Variants in WDR44 observed in about 807,000 individuals in gnomAD.
The protein encoded by WDR44 is WD repeat domain 44.
A neutral mutation model predicts 65.7 loss-of-function variants in WDR44; 9 were observed. The ratio of observed to expected loss-of-function variants is 0.14; its 90% CI spans 0.08 to 0.24. The LOEUF (loss-of-function observed/expected upper bound fraction) is 0.24. WDR44 is among the 10% of genes least tolerant of loss of function. The pLI, the probability that WDR44 is intolerant of heterozygous loss-of-function variation, is 1.00. For synonymous variants in WDR44, 220 were observed against 235.2 expected (o/e 0.94, Z 0.59); for missense variants, 425 against 670.9 (o/e 0.63, Z 4.05).
chrX:118,354,584 AT>A (rs898939429), intron 1 of WDR44, among the ~76,000 whole-genome samples: 1 of 111,176 alleles, frequency 9.0e-6, no homozygotes, highest in Non-Finnish European at 1.9e-5. Context: ...GAAATATAAG[AT>A]TTTTTGAAAC....
At chrX:118,368,701 A>C (rs1461577581) in intron 1 of WDR44, among the ~76,000 whole-genome samples, 3 of 91,181 alleles carry the variant, frequency 3.3e-5, no homozygotes, top group Admixed American at 2.7e-4. Flanking sequence ...GTAGCAATCC[A>C]CATACTCTTC....
intron 10 of WDR44, among the ~76,000 whole-genome samples, chrX:118,408,788 T>C (rs1258169971): frequency 1.8e-5 from 2 of 112,052 alleles, no homozygotes; most frequent in Non-Finnish European, 3.8e-5. Flanking sequence ...TGCTCAGTTG[T>C]TAGTGCTATG....
At chrX:118,416,656 T>C (rs951264157) in intron 12 of WDR44, among the ~76,000 whole-genome samples, 3 of 111,577 alleles carry the variant, frequency 2.7e-5, no homozygotes, top group African/African-American at 6.5e-5. Context: ...GAATGTGTAT[T>C]CTGCAGTTGT....
At chrX:118,382,894 G>T (rs762021609) in intron 2 of WDR44, among the ~76,000 whole-genome samples, 11 of 111,562 alleles carry the variant, frequency 9.9e-5, no homozygotes, top group Non-Finnish European at 1.9e-4. Flanking sequence ...TTTAATAATG[G>T]GTCAGCACAT....
intron 8 of WDR44, among the ~76,000 whole-genome samples, chrX:118,401,040 G>T (rs1446111789): frequency 1.5e-5 from 1 of 65,641 alleles, no homozygotes. Context: ...TGGTGTATAT[G>T]TGCCACATTT....
chrX:118,389,718 C>CAAAAAA (rs1248530849), intron 3 of WDR44, among the ~76,000 whole-genome samples: 1 of 34,537 alleles, frequency 2.9e-5, no homozygotes, highest in Admixed American at 4.0e-4. Context: ...GACTCCCTCT[C>CAAAAAA]AAAAAAAAAA....
intron 8 of WDR44, among the ~76,000 whole-genome samples, chrX:118,401,764 G>T (rs2056918136): frequency 1.1e-5 from 1 of 95,116 alleles, no homozygotes; most frequent in Non-Finnish European, 2.0e-5. Flanking sequence ...GTCCTGAATG[G>T]TAATGCCTAG....
intron 1 of WDR44, among the ~76,000 whole-genome samples, chrX:118,377,365 AAAAG>A (rs2056670216): frequency 9.0e-6 from 1 of 111,530 alleles, no homozygotes; most frequent in African/African-American, 3.3e-5. Flanking sequence ...CTTTAAAAAA[AAAAG>A]AAAAAGTAAA....
chrX:118,398,319 A>G, intron 7 of WDR44, 68 bp from the exon 8 acceptor site: 1 of 862,312 alleles, frequency 1.2e-6, no homozygotes, highest in Admixed American at 2.6e-5. Flanking sequence ...TTATATAGTA[A>G]GTATAAACAG....
chrX:118,426,897 A>C (rs781535211), intron 12 of WDR44, among the ~76,000 whole-genome samples: 1 of 111,653 alleles, frequency 9.0e-6, no homozygotes, highest in African/African-American at 3.2e-5. Flanking sequence ...TGTTTTCATA[A>C]TAGCTAAAAT....
At chrX:118,419,365 C>A (rs959298211) in intron 12 of WDR44, among the ~76,000 whole-genome samples, 19 of 112,067 alleles carry the variant, frequency 1.7e-4, no homozygotes, top group African/African-American at 6.2e-4. Context: ...CTGCTGCTTC[C>A]TCTACTTCTA....
chrX:118,432,988 G>T (rs891826537), intron 13 of WDR44, 94 bp downstream of exon 13: 2 of 802,759 alleles, frequency 2.5e-6, no homozygotes, highest in African/African-American at 4.1e-5. Flanking sequence ...GGAAACCTCA[G>T]TTTTTTGTCT....
chrX:118,368,967 A>G (rs970960544), intron 1 of WDR44, among the ~76,000 whole-genome samples: 12 of 108,115 alleles, frequency 1.1e-4, no homozygotes, highest in Admixed American at 6.9e-4. Flanking sequence ...ACCTCAGACA[A>G]TCCACCCACC....
chrX:118,387,181 CAAAAAAAAAAAA>C (rs61229618), intron 2 of WDR44, among the ~76,000 whole-genome samples, 147 bp from the exon 3 acceptor site: 4 of 38,323 alleles, frequency 1.0e-4, no homozygotes, highest in Non-Finnish European at 2.1e-4. Flanking sequence ...AACTCTGTCT[CAAAAAAAAAAAA>C]AAAAAAAAAA....
At chrX:118,429,199 TAAG>T (rs2057184999) in intron 12 of WDR44, among the ~76,000 whole-genome samples, 1 of 110,930 alleles carries the variant, frequency 9.0e-6, no homozygotes, top group East Asian at 2.8e-4. Context: ...TCTTGGAACT[TAAG>T]AAGTATTATT....
At chrX:118,367,931 C>A (rs971249280) in intron 1 of WDR44, among the ~76,000 whole-genome samples, 3 of 111,360 alleles carry the variant, frequency 2.7e-5, no homozygotes, top group Non-Finnish European at 5.7e-5. Flanking sequence ...AGGTAATATG[C>A]TCACTTTGAA....
intron 12 of WDR44, among the ~76,000 whole-genome samples, chrX:118,426,979 C>T (rs1283899635): frequency 9.0e-6 from 1 of 111,171 alleles, no homozygotes; most frequent in Non-Finnish European, 1.9e-5. Context: ...TACATGCAGT[C>T]CTTAAATTGT....
intron 1 of WDR44, among the ~76,000 whole-genome samples, chrX:118,365,651 G>A (rs1271645603): frequency 8.9e-6 from 1 of 112,206 alleles, no homozygotes; most frequent in Non-Finnish European, 1.9e-5. Flanking sequence ...AGAACATCAG[G>A]TAGGGTAGAA....
In WDR44 at chrX:118,395,265, C is replaced by T. The variant is rs1193046244; in HGVS notation, c.974C>T (p.Pro325Leu). Residue 325 changes from proline to leucine, a missense_variant, in exon 6 of 20, where the codon CCT (proline) becomes CTT (leucine). Physicochemically the swap from Pro to Leu is moderately conservative, Grantham distance 98. Transcript: ENST00000254029. The stretch of plus-strand genomic sequence containing the variant: ...TATTTCCAGGAAAATGGAAAAGCAC[C>T]TGATGGGCAGACTGTAGCAGGTGAA... ...IVTAQENGKA[P>L]DGQTVAGEVM... The T allele has an allele frequency of 8.3e-7, 1 of 1,209,017 alleles. No individual in the cohort carries two copies. The highest frequency in any genetic ancestry group is 1.1e-6 in the Non-Finnish European group (1 of 894,266).
Sources: allele counts gnomAD v4.1 joint callset (sites outside exome capture counted in the v4.1 genomes callset), GRCh38; gene constraint gnomAD v4.1.1; transcripts MANE v1.5; gene names NCBI Gene and HGNC (gene_info 2026-07-23, HGNC 2026-07-21).